The following ETF1 variants were observed in gnomAD, a reference collection of about 807,000 sequenced individuals.
ETF1 encodes eukaryotic translation termination factor 1.
ETF1 carries 4 observed loss-of-function variants against 55.1 expected under a neutral mutation model. The ratio of observed to expected loss-of-function variants is 0.07; its 90% CI spans 0.04 to 0.17. ETF1 has a LOEUF of 0.17. Ranked by LOEUF, ETF1 falls within the 10% of genes least tolerant of loss-of-function variation. ETF1 has a pLI of 1.00. For missense variants in ETF1, 142 were observed against 523.6 expected (o/e 0.27, Z 7.11); for synonymous variants, 157 against 182.3 (o/e 0.86, Z 1.12).
chr5:138,543,099 A>C lies in ETF1; in HGVS notation c.-21T>G. The C allele has an allele frequency of 3.1e-6, 2 of 647,538 alleles. No homozygotes were observed. The highest frequency in any genetic ancestry group is 2.8e-5 in the East Asian group (1 of 35,610). 40.1% of individuals were successfully genotyped at this position (647,538 alleles called of 1,614,324 possible). The stretch of plus-strand genomic sequence containing the variant: ...GCCTTTCCCTCCCTGTGCCTTACCT[A>C]AGGGCCCAGTCCTGGGCGGCAGCGG... On this transcript the variant is annotated splice_region_variant and 5_prime_UTR_variant, in exon 1 of 11. The change abolishes the stop of an existing upstream ORF in the 5' untranslated region. Coordinates refer to ENST00000360541, the MANE Select transcript of ETF1 (RefSeq NM_004730.4).
intron 8 of ETF1, 85 bp downstream of exon 8, chr5:138,510,960 C>G (rs1360622140): frequency 6.4e-6 from 10 of 1,553,164 alleles, no homozygotes; most frequent in Admixed American, 1.9e-5. Flanking sequence ...CTGATTGCTC[C>G]TGAAATCAGC....
intron 4 of ETF1, among the ~76,000 whole-genome samples, chr5:138,516,365 AATC>A (rs1157417246): frequency 7.8e-6 from 1 of 128,972 alleles, no homozygotes; most frequent in Non-Finnish European, 1.8e-5. Flanking sequence ...TACCCACAAA[AATC>A]AAAACACACA....
At chr5:138,513,296 A>G (rs1764888845) in intron 5 of ETF1, 2 of 791,662 alleles carry the variant, frequency 2.5e-6, no homozygotes, top group Non-Finnish European at 3.1e-6. Context: ...CAGTGGCGCA[A>G]TCTTGGCTCA....
At chr5:138,523,184 T>C (rs1294556577) in intron 2 of ETF1, among the ~76,000 whole-genome samples, 5 of 151,904 alleles carry the variant, frequency 3.3e-5, no homozygotes, top group Admixed American at 6.6e-5. Flanking sequence ...CTGACCAACA[T>C]GGTGAAACCC....
chr5:138,509,168 G>A, intron 9 of ETF1: 1 of 985,352 alleles, frequency 1.0e-6, no homozygotes, highest in Non-Finnish European at 1.2e-6. Flanking sequence ...GACATTCCAG[G>A]ACTGCTTTTG....
intron 2 of ETF1, among the ~76,000 whole-genome samples, chr5:138,519,413 C>A (rs775028000): frequency 6.6e-6 from 1 of 151,944 alleles, no homozygotes; most frequent in African/African-American, 2.4e-5. Context: ...CTTATAATCC[C>A]AGCACTTTGG....
chr5:138,512,821 A>G lies in ETF1; in HGVS notation c.675T>C (p.Val225=), dbSNP rs2127071343. 16 of 1,602,986 alleles carry G rather than the reference A, an allele frequency of 1.0e-5. No individual in the cohort carries two copies. Among genetic ancestry groups the G allele is most frequent in the Non-Finnish European group, 1.4e-5 (16 of 1,176,356 alleles). The change falls in exon 6 of 11, where the codon GTT becomes GTC. Residue 225 remains valine (V), a synonymous_variant. Coordinates refer to ENST00000360541, the MANE Select transcript of ETF1 (RefSeq NM_004730.4). Reference sequence around the variant, plus strand: ...TTTTAAAGTCAGCGGATCCAGCTAAAACTAGACCAGCCACATTCACTTTGT... The same window carrying G: ...TTTTAAAGTCAGCGGATCCAGCTAAGACTAGACCAGCCACATTCACTTTGT... ...SGDKVNVAGL[V]LAGSADFKTE...
chr5:138,512,702 A>T, intron 6 of ETF1, 62 bp downstream of exon 6: 1 of 1,431,372 alleles, frequency 7.0e-7, no homozygotes, highest in East Asian at 2.7e-5. Flanking sequence ...CAGTGCTCAC[A>T]CAGAGGACTC....
rs1764735548 is a variant in ETF1, at chr5:138,510,552, A to T, written c.1083+13T>A. On this transcript the variant is annotated intron_variant, in intron 9 of 10. Coordinates refer to ENST00000360541, the MANE Select transcript of ETF1 (RefSeq NM_004730.4). ...CTTGCACGTATCATCAAACCAAGAA[A>T]ATAATCACATACCTCTTTGTCTGTG... 6.3e-7 allele frequency: 1 copy of T among 1,597,148 alleles called. No individual in the cohort carries two copies. Among genetic ancestry groups the T allele is most frequent in the Non-Finnish European group, 8.6e-7 (1 of 1,164,698 alleles).
chr5:138,542,672 G>A lies in ETF1; in HGVS notation c.86+161C>T, dbSNP rs1174593717. The A allele has an allele frequency of 4.2e-6, 6 of 1,441,406 alleles. No individual in the cohort carries two copies. In the East Asian group the frequency reaches 1.3e-4, roughly 31 times the overall value. 89.3% of individuals were successfully genotyped at this position (1,441,406 alleles called of 1,614,324 possible). A position where few individuals can be genotyped will look rare whatever the true frequency, so the allele number is the denominator to read the frequency against. ...AAGGACCCCTTCTCGGGCCAACCGC[G>A]CCGACCCTCGCCCCTGGGTCAGGGG... is the stretch of plus-strand genomic sequence containing the variant. On this transcript the variant is annotated intron_variant, in intron 2 of 10. Coordinates refer to ENST00000360541, the MANE Select transcript of ETF1 (RefSeq NM_004730.4).
intron 2 of ETF1, chr5:138,541,446 C>T: frequency 8.8e-7 from 1 of 1,134,594 alleles, no homozygotes; most frequent in South Asian, 1.3e-5. Context: ...TGAATGGGGC[C>T]AAACTTTTAG....
intron 4 of ETF1, among the ~76,000 whole-genome samples, chr5:138,514,363 G>A (rs1764930637): frequency 6.6e-6 from 1 of 152,066 alleles, no homozygotes; most frequent in Admixed American, 6.6e-5. Flanking sequence ...AGACTGGCCT[G>A]GGCAACATAG....
At chr5:138,510,941 A>C in intron 8 of ETF1, 104 bp downstream of exon 8, 1 of 1,529,306 alleles carries the variant, frequency 6.5e-7, no homozygotes, top group Non-Finnish European at 8.8e-7. Context: ...CAATGGGTAG[A>C]TCTACCTTCT....
At chr5:138,515,051 A>C (rs1426487439) in intron 4 of ETF1, among the ~76,000 whole-genome samples, 3 of 152,238 alleles carry the variant, frequency 2.0e-5, no homozygotes, top group African/African-American at 7.2e-5. Flanking sequence ...TTAAGAAAAT[A>C]GCCCCTTCAA....
chr5:138,522,970 C>T (rs953268312), intron 2 of ETF1, among the ~76,000 whole-genome samples: 2 of 151,978 alleles, frequency 1.3e-5, no homozygotes, highest in African/African-American at 4.8e-5. Context: ...AGCGCCACTG[C>T]AGTCTGGTTG....
intron 2 of ETF1, 192 bp downstream of exon 2, chr5:138,542,641 C>G (rs934563258): frequency 3.5e-6 from 5 of 1,426,936 alleles, no homozygotes; most frequent in Non-Finnish European, 4.6e-6. Flanking sequence ...TACCCCCATG[C>G]GGGGAAAGGA....
intron 2 of ETF1, among the ~76,000 whole-genome samples, chr5:138,531,902 C>A (rs1277790640): frequency 1.3e-5 from 2 of 152,096 alleles, no homozygotes; most frequent in African/African-American, 4.8e-5. Flanking sequence ...AAAAAATTAG[C>A]CGGGCGTGGT....
At chr5:138,510,842 C>T in intron 8 of ETF1, 4 of 767,560 alleles carry the variant, frequency 5.2e-6, no homozygotes, top group Non-Finnish European at 6.3e-6. Flanking sequence ...TCCTGGTCCT[C>T]AGCAGATGTA....
intron 2 of ETF1, among the ~76,000 whole-genome samples, chr5:138,528,249 TAA>T (rs1464590025): frequency 6.6e-6 from 1 of 152,142 alleles, no homozygotes; most frequent in East Asian, 1.9e-4. Context: ...CGTTTAAGGC[TAA>T]AGAGGGGAGA....
Sources: allele counts gnomAD v4.1 joint callset (sites outside exome capture counted in the v4.1 genomes callset), GRCh38; gene constraint gnomAD v4.1.1; transcripts MANE v1.5; gene names NCBI Gene and HGNC (gene_info 2026-07-23, HGNC 2026-07-21).